STK39: variants seen among roughly 807,000 people sequenced by gnomAD.
STK39 encodes STE20/SPS1-related proline-alanine-rich protein kinase.
Under a neutral mutation model 77.8 loss-of-function variants are expected in STK39, and 20 were observed. The observed-to-expected ratio is 0.26, with a 90% CI of 0.18 to 0.37. The LOEUF is 0.37. Ranked by LOEUF, STK39 falls within the 10% of genes least tolerant of loss-of-function variation. The pLI is 1.00. For synonymous variants in STK39, 246 were observed against 234.1 expected (o/e 1.05, Z -0.47); for missense variants, 479 against 656.5 (o/e 0.73, Z 2.95).
At chr2:168,035,089 T>C (rs1353222602) in intron 14 of STK39, among the ~76,000 whole-genome samples, 2 of 152,214 alleles carry the variant, frequency 1.3e-5, no homozygotes, top group African/African-American at 4.8e-5. Context: ...CGTTAATGAT[T>C]TGAGGTTGGC....
intron 2 of STK39, among the ~76,000 whole-genome samples, chr2:168,174,508 A>G (rs1242048891): frequency 1.3e-5 from 2 of 152,220 alleles, no homozygotes; most frequent in South Asian, 2.1e-4. Context: ...TGAAAACTCA[A>G]TAGGAAGATG....
intron 10 of STK39, among the ~76,000 whole-genome samples, chr2:168,117,979 T>C (rs190766870): frequency 3.7e-4 from 57 of 152,228 alleles, no homozygotes; most frequent in African/African-American, 1.3e-3. Context: ...CAATATTTTA[T>C]ATTAGTTTTT....
At chr2:168,127,707 T>C (rs1424028368) in intron 10 of STK39, among the ~76,000 whole-genome samples, 2 of 152,244 alleles carry the variant, frequency 1.3e-5, no homozygotes, top group African/African-American at 4.8e-5. Context: ...TGGTTGTTTT[T>C]GTTTAATTTT....
At chr2:168,123,529 A>T (rs1017002919) in intron 10 of STK39, among the ~76,000 whole-genome samples, 6 of 152,142 alleles carry the variant, frequency 3.9e-5, no homozygotes, top group Admixed American at 6.6e-5. Flanking sequence ...AATTCTTGGC[A>T]CTATTTTTCT....
At chr2:167,979,056 C>T (rs760310683) in intron 16 of STK39, among the ~76,000 whole-genome samples, 2 of 151,964 alleles carry the variant, frequency 1.3e-5, no homozygotes, top group Non-Finnish European at 2.9e-5. Context: ...GTATGCTATA[C>T]CGGTTTGTTT....
intron 10 of STK39, among the ~76,000 whole-genome samples, chr2:168,125,999 T>A (rs1687531162): frequency 2.0e-5 from 3 of 152,220 alleles, no homozygotes; most frequent in Admixed American, 2.0e-4. Context: ...TGAAAATTGT[T>A]CACATTAAAG....
At chr2:168,226,271 A>C (rs1027690224) in intron 1 of STK39, among the ~76,000 whole-genome samples, 2 of 151,316 alleles carry the variant, frequency 1.3e-5, no homozygotes, top group African/African-American at 4.9e-5. Flanking sequence ...CAGACATTTC[A>C]CTGCAATTCC....
At chr2:167,961,810 C>G (rs1691967658) in intron 17 of STK39, among the ~76,000 whole-genome samples, 1 of 152,178 alleles carries the variant, frequency 6.6e-6, no homozygotes. Flanking sequence ...CAGGCTGCAC[C>G]AAGAGCAGTT....
chr2:168,062,031 C>T (rs1308279836), intron 14 of STK39, among the ~76,000 whole-genome samples: 1 of 152,000 alleles, frequency 6.6e-6, no homozygotes, highest in African/African-American at 2.4e-5. Context: ...ATTAAAGGGG[C>T]CATCATGGAG....
chr2:168,212,485 C>G (rs1196838310), intron 1 of STK39, among the ~76,000 whole-genome samples: 1 of 152,192 alleles, frequency 6.6e-6, no homozygotes, highest in Non-Finnish European at 1.5e-5. Flanking sequence ...TACTCAACCT[C>G]TCTGAGCCAT....
chr2:168,232,210 C>T (rs536680221), intron 1 of STK39: 15 of 197,876 alleles, frequency 7.6e-5, no homozygotes, highest in Admixed American at 2.2e-4. Context: ...AGCCTGCTTG[C>T]GGCAAAAGAT....
At chr2:168,246,713 G>A (rs1286588278) in intron 1 of STK39, among the ~76,000 whole-genome samples, 1 of 152,162 alleles carries the variant, frequency 6.6e-6, no homozygotes, top group Non-Finnish European at 1.5e-5. Flanking sequence ...CGGCTTCTAC[G>A]TGGCCCCGTT....
intron 14 of STK39, among the ~76,000 whole-genome samples, chr2:168,018,667 T>C (rs1684495078): frequency 6.6e-6 from 1 of 151,944 alleles, no homozygotes; most frequent in South Asian, 2.1e-4. Flanking sequence ...GAGTCAGAGA[T>C]GGCCTGAATA....
At position 167,962,861 on chromosome 2, in the gene STK39, C is replaced by G. The variant is rs529707690; in HGVS notation, c.1563+1801G>C. 6.4e-4 allele frequency among the ~76,000 whole-genome samples: 98 copies of G among 152,280 alleles called. 1 individual carries two copies. Among genetic ancestry groups the G allele is most frequent in the African/African-American group, 2.1e-3 (89 of 41,542 alleles). On this transcript the variant is annotated intron_variant, in intron 17 of 17. Coordinates refer to ENST00000355999, the MANE Select transcript of STK39 (RefSeq NM_013233.3). ...AGTCTGCAGCTTCCAGACTCAGGAT[C>G]TGTGTGATCGCTGTGTGATCCTGGG...
chr2:168,181,867 G>A, intron 2 of STK39, 111 bp downstream of exon 2: 1 of 854,898 alleles, frequency 1.2e-6, no homozygotes, highest in Admixed American at 2.1e-5. Context: ...TGCTTTCCAA[G>A]AAATGCATAT....
intron 1 of STK39, among the ~76,000 whole-genome samples, chr2:168,246,930 T>C (rs1002379091): frequency 6.6e-5 from 10 of 151,694 alleles, no homozygotes; most frequent in Admixed American, 4.6e-4. Flanking sequence ...CGCCTGGTCC[T>C]CCGCTCCACC....
In STK39 at chr2:168,117,367, G is replaced by C. The variant is rs568993565; in HGVS notation, c.1089+12174C>G. On this transcript the variant is annotated intron_variant, in intron 10 of 17. Coordinates refer to ENST00000355999, the MANE Select transcript of STK39 (RefSeq NM_013233.3). Reference sequence around the variant, plus strand: ...GACGATCCTCATCACCATCTTGCTTGCTAAACTTCAATTTGAAAAATAGTT... The same window carrying C: ...GACGATCCTCATCACCATCTTGCTTCCTAAACTTCAATTTGAAAAATAGTT... Among the ~76,000 whole-genome samples the C allele has an allele frequency of 3.9e-5, 6 of 152,264 alleles. No individual in the cohort carries two copies. In the East Asian group the frequency reaches 1.2e-3, roughly 29 times the overall value.
At chr2:168,000,763 A>G (rs1387310019) in intron 16 of STK39, among the ~76,000 whole-genome samples, 1 of 152,204 alleles carries the variant, frequency 6.6e-6, no homozygotes, top group East Asian at 1.9e-4. Context: ...TATTCAGCCA[A>G]TGAAGAAATG....
At chr2:168,247,061 T>TAAAAAAAAA (rs755613797) in intron 1 of STK39, among the ~76,000 whole-genome samples, 167 bp downstream of exon 1, 7 of 89,276 alleles carry the variant, frequency 7.8e-5, no homozygotes, top group East Asian at 5.7e-4. Flanking sequence ...CATTAAAAAT[T>TAAAAAAAAA]AAAAAAAAAA....
Sources: allele counts gnomAD v4.1 joint callset (sites outside exome capture counted in the v4.1 genomes callset), GRCh38; gene constraint gnomAD v4.1.1; transcripts MANE v1.5; gene names NCBI Gene and HGNC (gene_info 2026-07-23, HGNC 2026-07-21).